Variants in FRMPD2 observed in about 807,000 individuals in gnomAD.
FRMPD2 encodes FERM and PDZ domain containing 2.
In FRMPD2, 96 loss-of-function variants were observed where a neutral mutation model predicts 140.1. The observed-to-expected ratio is 0.69, with a 90% CI of 0.58 to 0.81. FRMPD2 has a LOEUF of 0.81. Among genes scored for constraint, FRMPD2 ranks in the 40% least tolerant of loss-of-function variants. FRMPD2 has a pLI of 0.00. For synonymous variants in FRMPD2, 449 were observed against 547.6 expected (o/e 0.82, Z 2.52); for missense variants, 1,240 against 1,447.4 (o/e 0.86, Z 2.32).
chr10:48,215,790 C>T (rs1040108856), intron 12 of FRMPD2, among the ~76,000 whole-genome samples: 2 of 152,206 alleles, frequency 1.3e-5, no homozygotes, highest in Admixed American at 6.5e-5. Flanking sequence ...AGAAACTGGA[C>T]GGGCACAGGA....
At chr10:48,271,724 C>T (rs1840769846) in intron 1 of FRMPD2, among the ~76,000 whole-genome samples, 1 of 152,208 alleles carries the variant, frequency 6.6e-6, no homozygotes, top group East Asian at 1.9e-4. Flanking sequence ...CGAAAGCAGA[C>T]TTCTGCCAGG....
chr10:48,218,736 A>T (rs541429432), intron 12 of FRMPD2, among the ~76,000 whole-genome samples: 6 of 152,318 alleles, frequency 3.9e-5, no homozygotes, highest in Non-Finnish European at 7.3e-5. Context: ...ATGAAAGGCA[A>T]ATGTGACAGA....
At chr10:48,238,609 G>A (rs1165777511) in intron 7 of FRMPD2, among the ~76,000 whole-genome samples, 1 of 152,172 alleles carries the variant, frequency 6.6e-6, no homozygotes, top group East Asian at 1.9e-4. Context: ...ATCCAATCAG[G>A]GCGTCAGCTG....
Position 48,239,634 on chromosome 10 carries a change from T to G in FRMPD2, c.759A>C (p.Thr253=). The change falls in exon 7 of 29, where the codon ACA becomes ACC. Residue 253 remains threonine, a synonymous_variant. Coordinates refer to ENST00000374201, the MANE Select transcript of FRMPD2 (RefSeq NM_001018071.4). ...SSPEPHWSTL[T]HSHCSLLVNR... ...TAACAAGGAGGCTGCAGTGACTGTGTGTCAAGGTGCTCCAATGGGGCTCTG... is the reference window on the plus strand; with the variant it reads ...TAACAAGGAGGCTGCAGTGACTGTGGGTCAAGGTGCTCCAATGGGGCTCTG... 6.2e-7 allele frequency: 1 copy of G among 1,614,170 alleles called. No individual in the cohort carries two copies. The highest frequency in any genetic ancestry group is 1.1e-5 in the South Asian group (1 of 91,064).
At chr10:48,184,377 G>A (rs1368994629) in intron 20 of FRMPD2, among the ~76,000 whole-genome samples, 189 bp downstream of exon 20, 2 of 152,056 alleles carry the variant, frequency 1.3e-5, no homozygotes, top group Non-Finnish European at 2.9e-5. Context: ...GCATGGTAAC[G>A]CCCATTCTGC....
At chr10:48,255,393 G>T (rs1220227253) in intron 1 of FRMPD2, among the ~76,000 whole-genome samples, 1 of 152,184 alleles carries the variant, frequency 6.6e-6, no homozygotes. Flanking sequence ...GATCTTTAGT[G>T]CTTCCACTTG....
intron 12 of FRMPD2, among the ~76,000 whole-genome samples, chr10:48,216,981 A>G (rs557414449): frequency 6.6e-6 from 1 of 152,196 alleles, no homozygotes; most frequent in Admixed American, 6.5e-5. Flanking sequence ...GATTGTCAAA[A>G]GGGCAGGGAG....
chr10:48,212,696 C>G (rs1221534130), intron 12 of FRMPD2, among the ~76,000 whole-genome samples: 1 of 152,110 alleles, frequency 6.6e-6, no homozygotes, highest in Non-Finnish European at 1.5e-5. Context: ...CAAGGAGTAG[C>G]CCCCTGGAAA....
At chr10:48,235,894 G>A (rs1839955838) in intron 9 of FRMPD2, among the ~76,000 whole-genome samples, 1 of 152,140 alleles carries the variant, frequency 6.6e-6, no homozygotes, top group East Asian at 1.9e-4. Context: ...AGCCCACACA[G>A]CATTTGCCCT....
intron 23 of FRMPD2, 81 bp downstream of exon 23, chr10:48,175,765 T>A (rs1209304246): frequency 6.8e-6 from 5 of 730,326 alleles, no homozygotes; most frequent in Non-Finnish European, 1.2e-5. Context: ...GGGCAAGGCC[T>A]AGAGGCTGCC....
chr10:48,192,756 A>G lies in FRMPD2; in HGVS notation c.2093T>C (p.Leu698Pro). ...GAAGTTATCCATTGATGTACTCAGC[A>G]GGCCTCCTGCAGCACCCTGAAGCCT... ...VSRLQGAAGG[L>P]LSTSMDNFNV... Residue 698 changes from leucine to proline, a missense_variant, in exon 16 of 29, where the codon CTG becomes CCG. By Grantham distance (98) the Leu-to-Pro change is moderately conservative. Transcript: ENST00000374201. 1 of 1,614,204 alleles carries G rather than the reference A, an allele frequency of 6.2e-7. No individual in the cohort carries two copies. The highest frequency in any genetic ancestry group is 8.5e-7 in the Non-Finnish European group (1 of 1,180,032).
chr10:48,220,002 C>G (rs1839544428), intron 12 of FRMPD2, among the ~76,000 whole-genome samples: 1 of 152,132 alleles, frequency 6.6e-6, no homozygotes, highest in African/African-American at 2.4e-5. Flanking sequence ...AATATCAACT[C>G]TATGATATTA....
At chr10:48,190,055 G>A (rs1451313407) in intron 16 of FRMPD2, among the ~76,000 whole-genome samples, 1 of 152,200 alleles carries the variant, frequency 6.6e-6, no homozygotes, top group Admixed American at 6.5e-5. Flanking sequence ...GGACTTCCAT[G>A]ATGCGGGGCT....
intron 5 of FRMPD2, 92 bp from the exon 6 acceptor site, chr10:48,240,584 T>G: frequency 6.5e-7 from 1 of 1,544,982 alleles, no homozygotes; most frequent in Non-Finnish European, 8.8e-7. Context: ...ACTGAATCAA[T>G]GTGGAATTGT....
chr10:48,210,347 T>G (rs958748259), intron 13 of FRMPD2, among the ~76,000 whole-genome samples: 2 of 152,248 alleles, frequency 1.3e-5, no homozygotes, highest in African/African-American at 4.8e-5. Flanking sequence ...TATTCAGTGC[T>G]TTCTGTGAAT....
intron 1 of FRMPD2, among the ~76,000 whole-genome samples, chr10:48,266,440 G>T (rs553811005): frequency 2.0e-5 from 3 of 152,256 alleles, no homozygotes; most frequent in Non-Finnish European, 4.4e-5. Context: ...AGAGAAAAAA[G>T]AGTTATTATA....
rs931344971 is a variant in FRMPD2, at chr10:48,249,125, T to C, written c.205A>G (p.Ser69Gly). 1.9e-6 allele frequency: 3 copies of C among 1,614,082 alleles called. No individual in the cohort carries two copies. In the Admixed American group the frequency reaches 5.0e-5, roughly 27 times the overall value. ...PWSALLSAAG[S>G]LSFQGRVSHI... ...GAAACACGGCCTTGGAAAGAAAGGC[T>C]TCCAGCTGCAGAAAGCAGGGCTGAC... is the stretch of plus-strand genomic sequence containing the variant. The change falls in exon 3 of 29, where the codon AGC (serine) becomes GGC (glycine). Residue 69 changes from serine (S) to glycine (G), a missense_variant. Transcript: ENST00000374201.
In FRMPD2 at chr10:48,196,053, C is replaced by G. The variant is rs181179225; in HGVS notation, c.1955-3159G>C. On this transcript the variant is annotated intron_variant, in intron 15 of 28. Coordinates refer to ENST00000374201, the MANE Select transcript of FRMPD2 (RefSeq NM_001018071.4). ...ACCCTTAAGCTTATTTACAGAGGAT[C>G]GGACTTATCTTGGTGGTCTGAGCCA... is the stretch of plus-strand genomic sequence containing the variant. Among the ~76,000 whole-genome samples, 86 of 152,172 alleles carry G rather than the reference C, an allele frequency of 5.7e-4. 1 individual carries two copies. In the East Asian group the frequency reaches 0.012, roughly 22 times the overall value.
At chr10:48,192,181 G>C (rs1197196497) in intron 16 of FRMPD2, among the ~76,000 whole-genome samples, 2 of 152,210 alleles carry the variant, frequency 1.3e-5, no homozygotes, top group African/African-American at 4.8e-5. Flanking sequence ...TGGCCCTAGA[G>C]TGTTTAACAT....
Sources: gnomAD v4.1 joint callset for allele counts (sites outside exome capture counted in the v4.1 genomes callset) on GRCh38, gnomAD v4.1.1 for gene constraint, MANE v1.5 for transcripts, NCBI Gene and HGNC (gene_info 2026-07-23, HGNC 2026-07-21) for gene names.